Variants in CENPE observed in about 807,000 individuals in gnomAD.
CENPE encodes the protein centromere-associated protein E.
In CENPE, 145 loss-of-function variants were observed where a neutral mutation model predicts 336.1. The ratio of observed to expected loss-of-function variants is 0.43; its 90% confidence interval spans 0.38 to 0.50. The LOEUF (loss-of-function observed/expected upper bound fraction) is 0.50. CENPE is among the 20% of genes least tolerant of loss of function. The pLI, the probability that CENPE is intolerant of heterozygous loss-of-function variation, is 0.00. For missense variants in CENPE, 2,719 were observed against 3,023.3 expected (o/e 0.90, Z 2.36); for synonymous variants, 1,013 against 984.8 (o/e 1.03, Z -0.54).
At chr4:103,187,552 T>C (rs1756896069) in intron 8 of CENPE, among the ~76,000 whole-genome samples, 1 of 152,124 alleles carries the variant, frequency 6.6e-6, no homozygotes, top group Non-Finnish European at 1.5e-5. Context: ...CAAACTAAGC[T>C]TCATAAGTGA....
intron 13 of CENPE, 82 bp downstream of exon 13, chr4:103,180,229 G>A (rs911978520): frequency 4.0e-6 from 5 of 1,257,036 alleles, no homozygotes; most frequent in Non-Finnish European, 4.4e-6. Flanking sequence ...AGGATAGAAA[G>A]TGCATACTAT....
At position 103,121,139 on chromosome 4, in the gene CENPE, G is replaced by A. The variant is rs1035714348; in HGVS notation, c.7144-806C>T. On this transcript the variant is annotated intron_variant, in intron 43 of 48. Transcript: ENST00000265148. Reference sequence around the variant, plus strand: ...TCAGACCCCCAGTTGACCCTGAAGCGATGACTACTAAACTTTTTCAGGTGT... The same window carrying A: ...TCAGACCCCCAGTTGACCCTGAAGCAATGACTACTAAACTTTTTCAGGTGT... Among the ~76,000 whole-genome samples the A allele has an allele frequency of 2.6e-5, 4 of 152,284 alleles. No individual in the cohort carries two copies. The East Asian group carries it at 5.8e-4, about 22-fold the overall frequency.
At chr4:103,110,445 G>A (rs1490984925) in intron 47 of CENPE, among the ~76,000 whole-genome samples, 1 of 152,064 alleles carries the variant, frequency 6.6e-6, no homozygotes, top group African/African-American at 2.4e-5. Context: ...CTTCCACGTG[G>A]TAGAAGCCGA....
intron 35 of CENPE, 43 bp downstream of exon 35, chr4:103,141,707 A>G (rs934950889): frequency 1.0e-5 from 14 of 1,392,008 alleles, no homozygotes; most frequent in Non-Finnish European, 1.4e-5. Flanking sequence ...TTTAGGCACA[A>G]ACAAATTAGA....
intron 24 of CENPE, among the ~76,000 whole-genome samples, chr4:103,155,917 A>T (rs1200471050): frequency 1.3e-5 from 2 of 152,308 alleles, no homozygotes; most frequent in East Asian, 3.9e-4. Flanking sequence ...AAAATGCATG[A>T]CTGTACAAAC....
At chr4:103,113,613 A>T (rs1262643188) in intron 46 of CENPE, among the ~76,000 whole-genome samples, 1 of 142,726 alleles carries the variant, frequency 7.0e-6, no homozygotes, top group Non-Finnish European at 1.5e-5. Context: ...AGTAATAAAG[A>T]AGTAATAGAT....
chr4:103,174,687 C>T, intron 16 of CENPE, 49 bp downstream of exon 16: 1 of 1,273,340 alleles, frequency 7.9e-7, no homozygotes, highest in Non-Finnish European at 1.0e-6. Flanking sequence ...GAGAATACTT[C>T]TTTTAAAAGT....
In CENPE at chr4:103,161,214, T is replaced by C. The variant is rs1464403379; in HGVS notation, c.2003A>G (p.Asp668Gly). 6.2e-7 allele frequency: 1 copy of C among 1,610,312 alleles called. No individual in the cohort carries two copies. The highest frequency in any genetic ancestry group is 1.7e-5 in the Admixed American group (1 of 59,470). The change falls in exon 20 of 49, where the codon GAT becomes GGT. Residue 668 changes from aspartate to glycine, a missense_variant. By Grantham distance (94) the Asp-to-Gly change is moderately conservative (BLOSUM62 -1). Around this residue, in one of 5 missense-constraint regions of CENPE, gnomAD observed 2,437 missense variants for 2,513.3 expected, o/e 0.97. Transcript: ENST00000265148. ...CAACTGGCTTTGATATAACTGAATA[T>C]CATTTTCCATTTGCTTGTATGTAGT... ...LATTYKQMEN[D>G]IQLYQSQLEA...
At chr4:103,183,581 T>C (rs1339440508) in intron 9 of CENPE, among the ~76,000 whole-genome samples, 1 of 152,144 alleles carries the variant, frequency 6.6e-6, no homozygotes, top group Non-Finnish European at 1.5e-5. Context: ...CTTCTCTAGC[T>C]CTTCAGTTCA....
At chr4:103,133,642 T>C in intron 41 of CENPE, 53 bp downstream of exon 41, 1 of 1,205,480 alleles carries the variant, frequency 8.3e-7, no homozygotes, top group Non-Finnish European at 1.2e-6. Context: ...AGTACCTTTC[T>C]ACTTGATAAA....
chr4:103,147,682 G>A (rs367798513), intron 28 of CENPE, 36 bp from the exon 29 acceptor site: 21 of 1,559,698 alleles, frequency 1.3e-5, no homozygotes, highest in African/African-American at 2.8e-5. Flanking sequence ...GTTACTATCA[G>A]GAGATTATGA....
rs1388593083 is a variant in CENPE, at chr4:103,196,144, G to A, written c.238+19C>T. 8 of 1,603,166 alleles carry A rather than the reference G, an allele frequency of 5.0e-6. No individual in the cohort carries two copies. Among genetic ancestry groups the A allele is most frequent in the African/African-American group, 4.0e-5 (3 of 74,692 alleles). ...CGCCCAAGACTAAAATGTTTCTGCA[G>A]CATTGAGTGAATACAAACCATTGTA... On this transcript the variant is annotated intron_variant, in intron 3 of 48. Transcript: ENST00000265148.
In CENPE at chr4:103,141,257, T is replaced by C. The variant is rs2711899; in HGVS notation, c.5464-153A>G. 0.42 allele frequency among the ~76,000 whole-genome samples: 63,281 copies of C among 151,922 alleles called. 13,381 individuals are homozygous for C. The highest frequency in any genetic ancestry group is 0.51 in the Middle Eastern group (149 of 294). ...AATTTTACTTTCTTTTGAGGTATAA[T>C]ATATATAAAGCATGCTCATCTTCAA... On this transcript the variant is annotated intron_variant, in intron 35 of 48. Transcript: ENST00000265148.
rs2169508 is a variant in CENPE, at chr4:103,145,733, T to A, written c.4414-52A>T. On this transcript the variant is annotated intron_variant, in intron 30 of 48. Transcript: ENST00000265148. ...AATTTATAGAAACATTATAACTATT[T>A]TGTTGTAATTAACTCCCCTTTCCAA... 591,135 of 1,511,256 alleles carry A rather than the reference T, an allele frequency of 0.39. 116,723 individuals carry two copies. The highest frequency in any genetic ancestry group is 0.5 in the African/African-American group (35,029 of 70,580). The allele number at this position is 1,511,256 out of a possible 1,614,324, so 93.6% of individuals were successfully genotyped here. A position where few individuals can be genotyped will look rare whatever the true frequency, so the allele number is the denominator to read the frequency against.
chr4:103,143,304 C>A lies in CENPE; in HGVS notation c.5248G>T (p.Glu1750Ter). ...AAGTCCTTTTGCATATTTGATATTT[C>A]ATTTGTTTTCTCTGAAACAATCCCT... ...LRGIVSEKTN[E>*]ISNMQKDLEH... The change falls in exon 34 of 49, where the codon GAA becomes TAA. Residue 1750 changes from glutamate to a stop codon, truncating the protein, a stop_gained. Coordinates refer to ENST00000265148, the MANE Select transcript of CENPE (RefSeq NM_001813.3). LOFTEE classifies it high-confidence loss of function. The A allele has an allele frequency of 6.2e-7, 1 of 1,607,216 alleles. No homozygotes were observed. The highest frequency in any genetic ancestry group is 8.5e-7 in the Non-Finnish European group (1 of 1,174,584).
chr4:103,153,297 C>T (rs759808543), intron 24 of CENPE, 47 bp from the exon 25 acceptor site: 2 of 1,296,632 alleles, frequency 1.5e-6, no homozygotes, highest in Non-Finnish European at 2.2e-6. Context: ...TAGTTAACAA[C>T]AACTTTAAAA....
chr4:103,174,855 G>A lies in CENPE; in HGVS notation c.1528C>T (p.Leu510=). 1 of 1,525,142 alleles carries A rather than the reference G, an allele frequency of 6.6e-7. No individual in the cohort carries two copies. Among genetic ancestry groups the A allele is most frequent in the Non-Finnish European group, 8.8e-7 (1 of 1,137,418 alleles). The allele number at this position is 1,525,142 out of a possible 1,614,324, so 94.5% of individuals were successfully genotyped here. Reference sequence around the variant, plus strand: ...CGTAGTTGTTCATAGTCTAATACCAGATTATCATAGTCAGCACGAAGTGAG... The same window carrying A: ...CGTAGTTGTTCATAGTCTAATACCAAATTATCATAGTCAGCACGAAGTGAG... ...LNSLRADYDN[L]VLDYEQLRTE... Residue 510 remains leucine, a synonymous_variant, in exon 16 of 49, where the codon CTG becomes TTG. Coordinates refer to ENST00000265148, the MANE Select transcript of CENPE (RefSeq NM_001813.3).
chr4:103,164,241 G>A (rs1283942496), intron 16 of CENPE, among the ~76,000 whole-genome samples: 5 of 152,024 alleles, frequency 3.3e-5, no homozygotes, highest in African/African-American at 1.2e-4. Flanking sequence ...AATATCTGTA[G>A]CATTAAATAT....
intron 13 of CENPE, among the ~76,000 whole-genome samples, chr4:103,177,518 C>A (rs941017190): frequency 6.6e-6 from 1 of 151,766 alleles, no homozygotes; most frequent in Non-Finnish European, 1.5e-5. Context: ...AAATACACAA[C>A]CCTAAGGTTG....
Sources: allele counts gnomAD v4.1 joint callset (sites outside exome capture counted in the v4.1 genomes callset), GRCh38; gene constraint gnomAD v4.1.1; regional missense constraint gnomAD v4.1.1; transcripts MANE v1.5; gene names NCBI Gene and HGNC (gene_info 2026-07-23, HGNC 2026-07-21).